MRPS6: variants seen among roughly 807,000 people sequenced by gnomAD.
The protein encoded by MRPS6 is mitochondrial ribosomal protein S6.
MRPS6 carries 6 observed loss-of-function variants against 13.1 expected under a neutral mutation model. That is an observed-to-expected ratio of 0.46 (90% confidence interval 0.25 to 0.91). The LOEUF (loss-of-function observed/expected upper bound fraction) is 0.91. Among genes scored for constraint, MRPS6 ranks in the 40% least tolerant of loss-of-function variants. The pLI is 0.18. For missense variants in MRPS6, 164 were observed against 155.6 expected (o/e 1.05, Z -0.29); for synonymous variants, 61 against 56.5 (o/e 1.08, Z -0.36).
chr21:34,083,504 ATGGTACTGAAGTG>A (rs755073193), intron 1 of MRPS6, among the ~76,000 whole-genome samples: 13 of 152,316 alleles, frequency 8.5e-5, no homozygotes, highest in Non-Finnish European at 1.9e-4. Flanking sequence ...GGAAAGGTGT[ATGGTACTGAAGTG>A]TGTGGTTTTG....
At chr21:34,108,630 A>G (rs1979577273) in intron 1 of MRPS6, among the ~76,000 whole-genome samples, 1 of 152,184 alleles carries the variant, frequency 6.6e-6, no homozygotes, top group Non-Finnish European at 1.5e-5. Flanking sequence ...AAATCTGATA[A>G]TACTGATGCA....
intron 1 of MRPS6, among the ~76,000 whole-genome samples, chr21:34,085,323 G>A (rs940369296): frequency 6.6e-6 from 1 of 152,114 alleles, no homozygotes; most frequent in African/African-American, 2.4e-5. Context: ...ATTTCATAGG[G>A]ATGTCAATGC....
rs997623632 is a variant in MRPS6, at chr21:34,119,154, G to C, written c.46-6187G>C. ...TTCAATAAATTGTTGGGCAAAAGAG[G>C]TTCTCTACAATGAAGAATATTTGAT... On this transcript the variant is annotated intron_variant, in intron 1 of 2. Transcript: ENST00000399312. Among the ~76,000 whole-genome samples, 5 of 152,286 alleles carry C rather than the reference G, an allele frequency of 3.3e-5. No homozygotes were observed. The South Asian group carries it at 1.0e-3, about 32-fold the overall frequency.
At chr21:34,118,703 T>A (rs1470398591) in intron 1 of MRPS6, among the ~76,000 whole-genome samples, 1 of 151,922 alleles carries the variant, frequency 6.6e-6, no homozygotes, top group Non-Finnish European at 1.5e-5. Context: ...TCAGTAGAGA[T>A]GGGGTTTCGC....
intron 1 of MRPS6, among the ~76,000 whole-genome samples, chr21:34,121,856 G>C (rs570996893): frequency 6.6e-6 from 1 of 152,236 alleles, no homozygotes; most frequent in South Asian, 2.1e-4. Context: ...TGGCAACCTG[G>C]GTTGATAAAG....
At chr21:34,132,217 G>A (rs148024191) in intron 2 of MRPS6, among the ~76,000 whole-genome samples, 16 of 152,226 alleles carry the variant, frequency 1.1e-4, no homozygotes, top group East Asian at 7.7e-4. Flanking sequence ...GTTCAACTTC[G>A]GAGAGTGGCG....
At chr21:34,121,816 T>C (rs1249488530) in intron 1 of MRPS6, among the ~76,000 whole-genome samples, 2 of 152,202 alleles carry the variant, frequency 1.3e-5, no homozygotes, top group African/African-American at 2.4e-5. Flanking sequence ...AATAGATCTA[T>C]AGGTTTCACC....
chr21:34,097,408 G>GA, intron 1 of MRPS6: 2 of 1,367,036 alleles, frequency 1.5e-6, no homozygotes, highest in Non-Finnish European at 1.9e-6. Flanking sequence ...TGGTCTTTGG[G>GA]GAAAAAAGTT....
At chr21:34,079,486 A>C (rs1989410092) in intron 1 of MRPS6, among the ~76,000 whole-genome samples, 1 of 150,744 alleles carries the variant, frequency 6.6e-6, no homozygotes, top group Non-Finnish European at 1.5e-5. Flanking sequence ...CCTAGGCTGG[A>C]GTGCAGTGGC....
rs760955268 is a variant in MRPS6, at chr21:34,096,981, A to G, written c.45+23236A>G. On this transcript the variant is annotated intron_variant, in intron 1 of 2. Transcript: ENST00000399312. The surrounding 1 kb of genome is among the most constrained non-coding windows in gnomAD (Gnocchi z 5.9). ...TCCCAACGGGAAATCTGAAGACAGC[A>G]TTAAGGGCCTTCAGCCTGAAGATGT... 4 of 1,614,116 alleles carry G rather than the reference A, an allele frequency of 2.5e-6. No individual in the cohort carries two copies. The highest frequency in any genetic ancestry group is 1.1e-5 in the South Asian group (1 of 91,084).
intron 2 of MRPS6, among the ~76,000 whole-genome samples, chr21:34,132,568 G>C (rs1980543250): frequency 6.6e-6 from 1 of 152,230 alleles, no homozygotes; most frequent in African/African-American, 2.4e-5. Flanking sequence ...AGGATTTCCA[G>C]GTCTTTAACT....
intron 1 of MRPS6, among the ~76,000 whole-genome samples, chr21:34,092,136 A>ATG (rs984706038): frequency 1.3e-5 from 2 of 151,818 alleles, no homozygotes; most frequent in Non-Finnish European, 2.9e-5. Context: ...ATATATATAT[A>ATG]TATAACATAC....
At chr21:34,107,639 G>A (rs1979532656) in intron 1 of MRPS6, among the ~76,000 whole-genome samples, 1 of 152,086 alleles carries the variant, frequency 6.6e-6, no homozygotes, top group African/African-American at 2.4e-5. Context: ...TTGATGGGGA[G>A]GATACTGTAC....
chr21:34,112,681 T>TTATA (rs1979751141), intron 1 of MRPS6, among the ~76,000 whole-genome samples: 1 of 152,174 alleles, frequency 6.6e-6, no homozygotes, highest in South Asian at 2.1e-4. Context: ...CCTCTGTCTA[T>TTATA]GATTATATAT....
intron 1 of MRPS6, among the ~76,000 whole-genome samples, chr21:34,116,553 G>C (rs979178821): frequency 6.6e-6 from 1 of 151,820 alleles, no homozygotes; most frequent in African/African-American, 2.4e-5. Context: ...AGCTAAGTCT[G>C]GTACATGGGT....
At position 34,096,662 on chromosome 21, in the gene MRPS6, C is replaced by G; in HGVS notation, c.45+22917C>G. The G allele has an allele frequency of 6.2e-7, 1 of 1,614,146 alleles. No individual in the cohort carries two copies. The highest frequency in any genetic ancestry group is 8.5e-7 in the Non-Finnish European group (1 of 1,180,006). On this transcript the variant is annotated intron_variant, in intron 1 of 2. Coordinates refer to ENST00000399312, the MANE Select transcript of MRPS6 (RefSeq NM_032476.4). This position sits in a 1 kb window ranked among gnomAD's most constrained non-coding sequence, Gnocchi z 5.9. ...TTGGAGCAGTCCGTTTGATACTGGC[C>G]TTTGCCTACCGTGCCCCAGAATGTG... is the stretch of plus-strand genomic sequence containing the variant.
At chr21:34,095,511 G>C in intron 1 of MRPS6, 3 of 1,613,984 alleles carry the variant, frequency 1.9e-6, no homozygotes, top group Non-Finnish European at 2.5e-6. Flanking sequence ...CATCCGGTCA[G>C]GGGTATATAC....
chr21:34,101,965 G>A (rs1979257179), intron 1 of MRPS6: 1 of 999,784 alleles, frequency 1.0e-6, no homozygotes, highest in African/African-American at 1.7e-5. Flanking sequence ...TGCCAAAAAG[G>A]TTTTTTTGCA....
chr21:34,101,186 T>TA (rs1465663847), intron 1 of MRPS6: 2 of 1,000,022 alleles, frequency 2.0e-6, no homozygotes, highest in Middle Eastern at 5.2e-4. Context: ...AGCCCGTTGG[T>TA]AAAAGACAAC....
Sources: gnomAD v4.1 joint callset for allele counts (sites outside exome capture counted in the v4.1 genomes callset) on GRCh38, gnomAD v4.1.1 for gene constraint, Gnocchi (gnomAD v3.1) non-coding constraint, MANE v1.5 for transcripts, NCBI Gene and HGNC (gene_info 2026-07-23, HGNC 2026-07-21) for gene names.